Variants in ARSG observed in about 807,000 individuals in gnomAD.
The protein encoded by ARSG is ASG.
ARSG carries 37 observed loss-of-function variants against 50.5 expected under a neutral mutation model. The ratio of observed to expected loss-of-function variants is 0.73; its 90% CI spans 0.56 to 0.96. ARSG has a LOEUF of 0.96. Among genes scored for constraint, ARSG ranks in the 50% least tolerant of loss-of-function variants. ARSG has a pLI of 0.00. For synonymous variants in ARSG, 225 were observed against 254.6 expected, an observed-to-expected ratio of 0.88 and a Z score of 1.11; for missense variants, 629 against 675.3, an observed-to-expected ratio of 0.93 and a Z score of 0.76.
chr17:68,326,305 A>C (rs1428917856), intron 2 of ARSG, among the ~76,000 whole-genome samples: 2 of 152,194 alleles, frequency 1.3e-5, no homozygotes, highest in East Asian at 3.8e-4. Context: ...TGGAGACCAG[A>C]GCAGAGTGAT....
At chr17:68,351,741 A>G (rs2078774053) in intron 5 of ARSG, 55 bp downstream of exon 5, 1 of 1,164,010 alleles carries the variant, frequency 8.6e-7, no homozygotes, top group Non-Finnish European at 1.3e-6. Context: ...AAGTTCCAAG[A>G]CTGTGGTCCA....
At chr17:68,394,233 T>C (rs1192624535) in intron 9 of ARSG, among the ~76,000 whole-genome samples, 1 of 152,116 alleles carries the variant, frequency 6.6e-6, no homozygotes, top group African/African-American at 2.4e-5. Context: ...ACTGCAAAAG[T>C]TATGGCCACA....
At chr17:68,276,398 G>C (rs1463611766) in intron 1 of ARSG, among the ~76,000 whole-genome samples, 1 of 152,150 alleles carries the variant, frequency 6.6e-6, no homozygotes, top group Non-Finnish European at 1.5e-5. Context: ...TTCCATGACA[G>C]TGTGTAAGTG....
At chr17:68,324,414 T>G (rs1555771683) in intron 2 of ARSG, among the ~76,000 whole-genome samples, 1 of 152,194 alleles carries the variant, frequency 6.6e-6, no homozygotes, top group East Asian at 1.9e-4. Context: ...AGCCAAAGAC[T>G]GGCTCCTGTA....
intron 2 of ARSG, among the ~76,000 whole-genome samples, chr17:68,322,613 C>G (rs1377101746): frequency 6.7e-6 from 1 of 149,478 alleles, no homozygotes; most frequent in African/African-American, 2.5e-5. Context: ...GAGACTCCGT[C>G]TCAAAAAAAT....
In ARSG at chr17:68,420,395, A is replaced by C. The variant is rs1600217006; in HGVS notation, c.1510A>C (p.Thr504Pro). The change falls in exon 12 of 12, where the codon ACT becomes CCT. Residue 504 changes from threonine to proline, a missense_variant. Thr to Pro is a conservative substitution (Grantham distance 38, BLOSUM62 -1). Transcript: ENST00000621439. The part of the protein sequence containing the change: ...ANDNISSADY[T>P]QDPSVTPCCN... Reference sequence around the variant, plus strand: ...CGACAACATCTCCAGCGCAGATTACACTCAGGACCCTTCAGTAACTCCCTG... The same window carrying C: ...CGACAACATCTCCAGCGCAGATTACCCTCAGGACCCTTCAGTAACTCCCTG... The C allele has an allele frequency of 6.2e-7, 1 of 1,614,094 alleles. No individual in the cohort carries two copies. The highest frequency in any genetic ancestry group is 8.5e-7 in the Non-Finnish European group (1 of 1,180,026).
At chr17:68,283,568 C>T (rs1163264405) in intron 1 of ARSG, among the ~76,000 whole-genome samples, 2 of 151,626 alleles carry the variant, frequency 1.3e-5, no homozygotes, top group Admixed American at 1.3e-4. Context: ...CCTGTAATCC[C>T]AGCACACTTT....
intron 2 of ARSG, among the ~76,000 whole-genome samples, chr17:68,331,789 G>A (rs901705251): frequency 3.3e-5 from 5 of 152,106 alleles, no homozygotes; most frequent in African/African-American, 7.2e-5. Flanking sequence ...CTGGGTGTCC[G>A]GGGGAGACAT....
chr17:68,313,318 G>T lies in ARSG; in HGVS notation c.218+5607G>T, dbSNP rs541831309. Among the ~76,000 whole-genome samples, 8 of 152,198 alleles carry T rather than the reference G, an allele frequency of 5.3e-5. No individual in the cohort carries two copies. In the South Asian group the frequency reaches 6.2e-4, roughly 12 times the overall value. ...ACTTTGTCCTTTCACAGTTCGGAGAGCCAGAAGTCCAAAATCAAGGTTATG... is the reference window on the plus strand; with the variant it reads ...ACTTTGTCCTTTCACAGTTCGGAGATCCAGAAGTCCAAAATCAAGGTTATG... On this transcript the variant is annotated intron_variant, in intron 2 of 11. Transcript: ENST00000621439.
the ARSG span, among the ~76,000 whole-genome samples, chr17:68,433,162 A>G: frequency 2.0e-5 from 3 of 152,374 alleles, no homozygotes; most frequent in Middle Eastern, 6.8e-3. Context: ...CTCATTTAAT[A>G]CTACTGTTAT....
At chr17:68,281,458 C>T (rs782103642) in intron 1 of ARSG, among the ~76,000 whole-genome samples, 2 of 151,964 alleles carry the variant, frequency 1.3e-5, no homozygotes, top group Non-Finnish European at 2.9e-5. Flanking sequence ...ACCTGTAGTC[C>T]CAGCTACTCG....
chr17:68,329,929 G>A (rs1259483609), intron 2 of ARSG, among the ~76,000 whole-genome samples: 3 of 152,200 alleles, frequency 2.0e-5, no homozygotes, highest in South Asian at 2.1e-4. Context: ...TTTCAAAGAC[G>A]CTGGGTGTGG....
At chr17:68,428,817 C>T in the ARSG span, 6 of 1,598,332 alleles carry the variant, frequency 3.8e-6, no homozygotes, top group African/African-American at 5.4e-5. Flanking sequence ...TTTTGAAAAG[C>T]AGTCTCTTCA....
chr17:68,413,130 T>C (rs9697127), intron 11 of ARSG, among the ~76,000 whole-genome samples: 52,258 of 151,430 alleles, frequency 0.35, 10,333 homozygotes, highest in African/African-American at 0.56. Flanking sequence ...TCGTCAAAGT[T>C]ATTCTCTGTC....
At chr17:68,283,469 C>G (rs2075763000) in intron 1 of ARSG, among the ~76,000 whole-genome samples, 1 of 148,550 alleles carries the variant, frequency 6.7e-6, no homozygotes. Flanking sequence ...TGCATTGAGC[C>G]GAGATCGCGC....
At chr17:68,376,947 C>T (rs1327411991) in intron 8 of ARSG, among the ~76,000 whole-genome samples, 3 of 151,966 alleles carry the variant, frequency 2.0e-5, no homozygotes, top group Non-Finnish European at 4.4e-5. Flanking sequence ...GCAAACTCCA[C>T]CTTCCAGGTT....
chr17:68,306,468 G>A (rs1202395772), intron 1 of ARSG, among the ~76,000 whole-genome samples: 8 of 152,236 alleles, frequency 5.3e-5, no homozygotes, highest in Non-Finnish European at 1.2e-4. Flanking sequence ...GAGGCAAGAG[G>A]ATGACTTGAG....
chr17:68,417,742 T>TTTTTA (rs1347576554), intron 11 of ARSG, among the ~76,000 whole-genome samples: 67 of 108,698 alleles, frequency 6.2e-4, no homozygotes, highest in Non-Finnish European at 1.1e-3. Flanking sequence ...AATTTTTTTT[T>TTTTTA]TTTTTTTTTT....
rs2081982009 is a variant in ARSG, at chr17:68,411,206, T to C, written c.1304-8983T>C. On this transcript the variant is annotated intron_variant, in intron 11 of 11. Transcript: ENST00000621439. ...GCTCTTGCTTTTCTGGTTCTTTTAA[T>C]TGTGATGTTAGGGTGTCAATTTTAG... 2.6e-5 allele frequency among the ~76,000 whole-genome samples: 4 copies of C among 152,232 alleles called. No individual in the cohort carries two copies. In the South Asian group the frequency reaches 8.3e-4, roughly 32 times the overall value.
Sources: gnomAD v4.1 joint callset for allele counts (sites outside exome capture counted in the v4.1 genomes callset) on GRCh38, gnomAD v4.1.1 for gene constraint, MANE v1.5 for transcripts, NCBI Gene and HGNC (gene_info 2026-07-23, HGNC 2026-07-21) for gene names.